Variants in MINDY4 observed in about 807,000 individuals in gnomAD.
The protein encoded by MINDY4 is MINDY lysine 48 deubiquitinase 4, also known as probable ubiquitin carboxyl-terminal hydrolase MINDY-4.
Under a neutral mutation model 87.0 loss-of-function variants are expected in MINDY4, and 68 were observed. The observed-to-expected ratio is 0.78, with a 90% CI of 0.64 to 0.96. The LOEUF (loss-of-function observed/expected upper bound fraction) is 0.96, where lower values mean the gene tolerates loss of function less well. Ranked by LOEUF, MINDY4 falls within the 40% of genes least tolerant of loss-of-function variation. The pLI, the probability that MINDY4 is intolerant of heterozygous loss-of-function variation, is 0.00. For missense variants in MINDY4, 919 were observed against 928.2 expected (o/e 0.99, Z 0.13); for synonymous variants, 379 against 363.2 (o/e 1.04, Z -0.50).
intron 5 of MINDY4, among the ~76,000 whole-genome samples, chr7:30,801,368 G>C (rs190028632): frequency 6.6e-6 from 1 of 152,112 alleles, no homozygotes; most frequent in African/African-American, 2.4e-5. Flanking sequence ...CCAGCATGCC[G>C]GTCATCCTGT....
rs559173185 is a variant in MINDY4 at position 30,782,087 on chromosome 7, C to T, written c.294C>T (p.Leu98=). Residue 98 remains leucine, a synonymous_variant, in exon 3 of 18, where the codon CTC becomes CTT. Coordinates refer to ENST00000265299, the MANE Select transcript of MINDY4 (RefSeq NM_032222.3). ...CTCAAGATACCCCAATCCCTGCACTCTCAGTTCCAAAGAAAAATAACAAAG... is the reference window on the plus strand; with the variant it reads ...CTCAAGATACCCCAATCCCTGCACTTTCAGTTCCAAAGAAAAATAACAAAG... ...NFTQDTPIPA[L]SVPKKNNKVP... The T allele has an allele frequency of 6.2e-7, 1 of 1,614,104 alleles. No individual in the cohort carries two copies. The highest frequency in any genetic ancestry group is 2.2e-5 in the East Asian group (1 of 44,872).
chr7:30,871,077 A>G (rs951534328), intron 13 of MINDY4, among the ~76,000 whole-genome samples: 1 of 150,428 alleles, frequency 6.6e-6, no homozygotes, highest in African/African-American at 2.5e-5. Context: ...CAAGGGCTGC[A>G]TGTGACCGCC....
intron 16 of MINDY4, 57 bp downstream of exon 16, chr7:30,882,418 G>A: frequency 7.5e-7 from 1 of 1,328,602 alleles, no homozygotes; most frequent in African/African-American, 1.7e-5. Context: ...CCTCCAGGCT[G>A]GTCACAGAAA....
chr7:30,865,683 C>T (rs900533970), intron 13 of MINDY4, among the ~76,000 whole-genome samples: 7 of 152,258 alleles, frequency 4.6e-5, no homozygotes, highest in East Asian at 1.9e-4. Flanking sequence ...GCCCTTGCTG[C>T]CATCTTAGGC....
At chr7:30,774,972 T>G (rs1786763924) in intron 1 of MINDY4, among the ~76,000 whole-genome samples, 1 of 152,138 alleles carries the variant, frequency 6.6e-6, no homozygotes. Context: ...CTCCTTGAAC[T>G]CTTGAATTCT....
At chr7:30,826,808 G>A (rs1788529438) in intron 5 of MINDY4, among the ~76,000 whole-genome samples, 1 of 152,246 alleles carries the variant, frequency 6.6e-6, no homozygotes, top group African/African-American at 2.4e-5. Flanking sequence ...GTTCTGAGAA[G>A]CAGATGACTT....
At chr7:30,807,902 G>A (rs1787860818) in intron 5 of MINDY4, among the ~76,000 whole-genome samples, 1 of 152,224 alleles carries the variant, frequency 6.6e-6, no homozygotes, top group Non-Finnish European at 1.5e-5. Flanking sequence ...GGTTGTTGGA[G>A]ATGTGAGTCT....
At position 30,787,400 on chromosome 7, in the gene MINDY4, T is replaced by G. The variant is rs572732795; in HGVS notation, c.663+1408T>G. 6.6e-5 allele frequency among the ~76,000 whole-genome samples: 10 copies of G among 152,360 alleles called. No individual in the cohort carries two copies. In the South Asian group the frequency reaches 1.4e-3, roughly 22 times the overall value. On this transcript the variant is annotated intron_variant, in intron 4 of 17. Transcript: ENST00000265299. ...GGAAATTAAAAGATTTGGAGATGTTTAATCTTGTGGGAGGTTGGCAGAATG... is the reference window on the plus strand; with the variant it reads ...GGAAATTAAAAGATTTGGAGATGTTGAATCTTGTGGGAGGTTGGCAGAATG...
At chr7:30,790,970 A>G (rs1036055470) in intron 4 of MINDY4, among the ~76,000 whole-genome samples, 195 bp from the exon 5 acceptor site, 7 of 152,196 alleles carry the variant, frequency 4.6e-5, no homozygotes, top group African/African-American at 7.2e-5. Context: ...CGGGGTGTGC[A>G]TCACTGAAAG....
chr7:30,844,079 G>C (rs1789127342), intron 9 of MINDY4, among the ~76,000 whole-genome samples: 1 of 152,130 alleles, frequency 6.6e-6, no homozygotes, highest in African/African-American at 2.4e-5. Flanking sequence ...TCTGGGTGCT[G>C]CTTGTAGCCC....
Position 30,781,970 on chromosome 7 carries a change from A to G in MINDY4, c.184-7A>G, listed in dbSNP as rs974929058. On this transcript the variant is annotated splice_polypyrimidine_tract_variant and splice_region_variant and intron_variant, in intron 2 of 17. Transcript: ENST00000265299. ...ATTAATGATTTTTTTTTCTCTCCCA[A>G]TGATAGGCAAAGGAAAATCCTCTAA... 16 of 1,604,012 alleles carry G rather than the reference A, an allele frequency of 1.0e-5. No individual in the cohort carries two copies. The highest frequency in any genetic ancestry group is 1.3e-5 in the Non-Finnish European group (15 of 1,172,822).
chr7:30,808,465 T>A (rs1194384427), intron 5 of MINDY4, among the ~76,000 whole-genome samples: 2 of 152,148 alleles, frequency 1.3e-5, no homozygotes, highest in African/African-American at 4.8e-5. Flanking sequence ...TGTGTGTGGG[T>A]GCCCTTTTTA....
chr7:30,867,307 C>T (rs1477795129), intron 13 of MINDY4, among the ~76,000 whole-genome samples: 3 of 152,148 alleles, frequency 2.0e-5, no homozygotes, highest in African/African-American at 4.8e-5. Context: ...GGTTCTTGGC[C>T]GTGATATGAG....
chr7:30,842,123 G>GT (rs1789056886), intron 9 of MINDY4, among the ~76,000 whole-genome samples: 1 of 152,172 alleles, frequency 6.6e-6, no homozygotes, highest in Non-Finnish European at 1.5e-5. Flanking sequence ...TTTTCCAATG[G>GT]TTTTGCACAA....
chr7:30,887,627 C>T (rs1790669700), intron 17 of MINDY4, among the ~76,000 whole-genome samples: 3 of 152,202 alleles, frequency 2.0e-5, no homozygotes, highest in Admixed American at 1.3e-4. Context: ...AGGGCGGGGC[C>T]ACTCCCTAAG....
At chr7:30,816,919 T>C (rs1175471153) in intron 5 of MINDY4, among the ~76,000 whole-genome samples, 1 of 152,178 alleles carries the variant, frequency 6.6e-6, no homozygotes, top group Non-Finnish European at 1.5e-5. Flanking sequence ...AGGTCAACCG[T>C]TTGAGAACTG....
chr7:30,852,623 G>T (rs1276208993), intron 11 of MINDY4, among the ~76,000 whole-genome samples: 1 of 151,254 alleles, frequency 6.6e-6, no homozygotes, highest in East Asian at 1.9e-4. Flanking sequence ...GTGGGAGGGG[G>T]TGGGGCAGGG....
intron 6 of MINDY4, among the ~76,000 whole-genome samples, chr7:30,830,503 G>A (rs974354071): frequency 1.2e-4 from 19 of 152,168 alleles, no homozygotes; most frequent in African/African-American, 4.1e-4. Context: ...ACTTACAATC[G>A]TGGCAGAAGG....
intron 5 of MINDY4, among the ~76,000 whole-genome samples, chr7:30,822,073 TA>T (rs1316608606): frequency 1.3e-5 from 2 of 152,246 alleles, no homozygotes; most frequent in Non-Finnish European, 2.9e-5. Flanking sequence ...AAAATACAGA[TA>T]TCCTGACATT....
Sources: gnomAD v4.1 joint callset for allele counts (sites outside exome capture counted in the v4.1 genomes callset) on GRCh38, gnomAD v4.1.1 for gene constraint, MANE v1.5 for transcripts, NCBI Gene and HGNC (gene_info 2026-07-23, HGNC 2026-07-21) for gene names.